Variants in LAMB1 observed in about 807,000 individuals in gnomAD.
LAMB1 encodes the protein laminin subunit beta 1, also known as laminin subunit beta-1.
In LAMB1, 121 loss-of-function variants were observed where a neutral mutation model predicts 222.3. The observed-to-expected ratio is 0.54, with a 90% CI of 0.47 to 0.63. LAMB1 has a LOEUF of 0.63. Ranked by LOEUF, LAMB1 falls within the 30% of genes least tolerant of loss-of-function variation. The pLI is 0.00. For missense variants in LAMB1, 2,172 were observed against 2,240.8 expected (o/e 0.97, Z 0.62); for synonymous variants, 794 against 807.2 (o/e 0.98, Z 0.28).
rs763515267 is a variant in LAMB1 at position 107,975,844 on chromosome 7, T to G, written c.1034A>C (p.His345Pro). ...GGCCAGGTAAACAGCCATGTCAAAG[T>G]GACAAGAGATGGAATGTTCATTGCA... ...CNCNEHSISC[H>P]FDMAVYLATG... Residue 345 changes from histidine to proline, a missense_variant, in exon 10 of 34, where the codon CAC becomes CCC. Transcript: ENST00000222399. 6.2e-7 allele frequency: 1 copy of G among 1,613,870 alleles called. No individual in the cohort carries two copies. The highest frequency in any genetic ancestry group is 8.5e-7 in the Non-Finnish European group (1 of 1,179,976).
intron 2 of LAMB1, chr7:108,001,980 T>G: frequency 3.5e-6 from 5 of 1,445,234 alleles, no homozygotes; most frequent in Non-Finnish European, 4.6e-6. Flanking sequence ...AGCGAGAGCC[T>G]CCCTCCCGGG....
chr7:107,943,507 AT>A (rs1212787122), intron 24 of LAMB1, among the ~76,000 whole-genome samples: 1 of 152,118 alleles, frequency 6.6e-6, no homozygotes, highest in African/African-American at 2.4e-5. Flanking sequence ...ATTTGGTAAA[AT>A]TTAGTCATCT....
rs1245021856 is a variant in LAMB1 at position 107,975,777 on chromosome 7, G to T, written c.1101C>A (p.His367Gln). 1.2e-6 allele frequency: 2 copies of T among 1,613,912 alleles called. No homozygotes were observed. Among genetic ancestry groups the T allele is most frequent in the African/African-American group, 1.3e-5 (1 of 74,872 alleles). The change falls in exon 10 of 34, where the codon CAC (histidine) becomes CAA (glutamine). Residue 367 changes from histidine to glutamine, a missense_variant. Transcript: ENST00000222399. ...VSGGVCDDCQ[H>Q]NTMGRNCEQC... ...GCTCACAGTTGCGCCCCATGGTGTT[G>T]TGCTGACAGTCATCACACACGCCTC...
At chr7:107,999,545 G>A (rs971207443) in intron 3 of LAMB1, among the ~76,000 whole-genome samples, 1 of 152,032 alleles carries the variant, frequency 6.6e-6, no homozygotes, top group Non-Finnish European at 1.5e-5. Flanking sequence ...TTCTCAAAAG[G>A]ATTTGGAGAC....
chr7:107,956,977 T>C (rs1039749363), intron 20 of LAMB1, among the ~76,000 whole-genome samples: 1 of 152,258 alleles, frequency 6.6e-6, no homozygotes, highest in African/African-American at 2.4e-5. Context: ...TCTTTTACTA[T>C]GTTAGCCTGC....
chr7:107,937,601 C>T (rs1182618577), intron 25 of LAMB1, among the ~76,000 whole-genome samples: 1 of 152,162 alleles, frequency 6.6e-6, no homozygotes, highest in Non-Finnish European at 1.5e-5. Context: ...TATTCACAGG[C>T]AGCTTCAAGC....
At chr7:107,975,461 G>C (rs767663607) in intron 10 of LAMB1, 48 bp from the exon 11 acceptor site, 2 of 1,506,004 alleles carry the variant, frequency 1.3e-6, no homozygotes, top group Non-Finnish European at 1.8e-6. Flanking sequence ...GAAACTCAAT[G>C]TATCTTTGTA....
intron 4 of LAMB1, among the ~76,000 whole-genome samples, chr7:107,997,737 T>A (rs1006672969): frequency 2.6e-5 from 4 of 152,216 alleles, no homozygotes; most frequent in Non-Finnish European, 5.9e-5. Context: ...CTGGGCTTCA[T>A]GTCACAGCAA....
rs377664968 is a variant in LAMB1 at position 107,991,436 on chromosome 7, A to C, written c.423+3451T>G. ...AGCCCCGTCTCTACTAAAAATACAAAAGTAGCCGGGTGTGGTGGTACATGC... is the reference window on the plus strand; with the variant it reads ...AGCCCCGTCTCTACTAAAAATACAACAGTAGCCGGGTGTGGTGGTACATGC... On this transcript the variant is annotated intron_variant, in intron 5 of 33. Coordinates refer to ENST00000222399, the MANE Select transcript of LAMB1 (RefSeq NM_002291.3). 9.9e-4 allele frequency among the ~76,000 whole-genome samples: 151 copies of C among 152,090 alleles called. 3 individuals carry two copies. The South Asian group carries it at 0.03, about 30-fold the overall frequency.
At chr7:107,948,821 G>A (rs368607093) in intron 24 of LAMB1, among the ~76,000 whole-genome samples, 96 of 152,172 alleles carry the variant, frequency 6.3e-4, no homozygotes, top group Non-Finnish European at 1.1e-3. Context: ...TCGTGCCACC[G>A]GGATTGGCCA....
chr7:107,986,443 C>A (rs1303632129), intron 5 of LAMB1, 80 bp from the exon 6 acceptor site: 1 of 1,214,346 alleles, frequency 8.2e-7, no homozygotes. Flanking sequence ...AAAAATGTCA[C>A]TCAACTGCAT....
At chr7:107,941,822 CTTTTTTTTTTTT>C (rs774447066) in intron 24 of LAMB1, among the ~76,000 whole-genome samples, 15 of 31,884 alleles carry the variant, frequency 4.7e-4, no homozygotes, top group South Asian at 1.6e-3. Flanking sequence ...CCACACCCGG[CTTTTTTTTTTTT>C]TTTTTTTTTT....
chr7:107,942,838 T>C (rs780954583), intron 24 of LAMB1: 21 of 152,360 alleles, frequency 1.4e-4, no homozygotes, highest in Non-Finnish European at 2.1e-4. Context: ...TCCGGTTATA[T>C]GTTTATTTAT....
chr7:107,932,593 T>TC (rs2032741092), intron 27 of LAMB1: 2 of 590,954 alleles, frequency 3.4e-6, no homozygotes, highest in Non-Finnish European at 6.0e-6. Flanking sequence ...AGTTTACAAC[T>TC]CATCAATATC....
At chr7:107,961,094 TGATTCTGCTTAC>T (rs2033488179) in intron 17 of LAMB1, 100 bp downstream of exon 17, 2 of 1,220,982 alleles carry the variant, frequency 1.6e-6, no homozygotes, top group African/African-American at 3.0e-5. Context: ...CAAGAAAGAA[TGATTCTGCTTAC>T]GCTGGCCTCA....
intron 13 of LAMB1, among the ~76,000 whole-genome samples, chr7:107,970,889 C>T (rs1006185523): frequency 2.6e-5 from 4 of 152,058 alleles, no homozygotes; most frequent in Non-Finnish European, 2.9e-5. Context: ...GGTGCCACCA[C>T]GCCTGGCTAA....
chr7:107,944,380 T>TTC (rs2033065474), intron 24 of LAMB1, among the ~76,000 whole-genome samples: 1 of 152,122 alleles, frequency 6.6e-6, no homozygotes, highest in Admixed American at 6.5e-5. Context: ...GGGTAAGAGT[T>TTC]CCAATGAGCT....
chr7:107,997,458 CAAAG>C (rs1371487535), intron 4 of LAMB1, among the ~76,000 whole-genome samples: 3 of 152,088 alleles, frequency 2.0e-5, no homozygotes, highest in Non-Finnish European at 2.9e-5. Context: ...CAGTCAATGA[CAAAG>C]AAATCTATTA....
At position 107,929,505 on chromosome 7, in the gene LAMB1, A is replaced by C; in HGVS notation, c.4652T>G (p.Val1551Gly). The C allele has an allele frequency of 6.2e-7, 1 of 1,614,100 alleles. No individual in the cohort carries two copies. Among genetic ancestry groups the C allele is most frequent in the Non-Finnish European group, 8.5e-7 (1 of 1,179,990 alleles). The change falls in exon 30 of 34, where the codon GTT (valine) becomes GGT (glycine). Residue 1551 changes from valine to glycine, a missense_variant. Coordinates refer to ENST00000222399, the MANE Select transcript of LAMB1 (RefSeq NM_002291.3). ...AACCTCTACTTGAGAAAGGCTTTCA[A>C]CTCGTTCACGTATATCTTCTGTCAA... ...QNLTEDIRER[V>G]ESLSQVEVIL... is the part of the protein sequence containing the mutation.
Sources: allele counts gnomAD v4.1 joint callset (sites outside exome capture counted in the v4.1 genomes callset), GRCh38; gene constraint gnomAD v4.1.1; transcripts MANE v1.5; gene names NCBI Gene and HGNC (gene_info 2026-07-23, HGNC 2026-07-21).